The following ZNF618 variants were observed in gnomAD, a reference collection of about 807,000 sequenced individuals.
ZNF618 encodes the protein zinc finger protein 618.
Under a neutral mutation model 103.0 loss-of-function variants are expected in ZNF618, and 34 were observed. The observed-to-expected ratio is 0.33, with a 90% CI of 0.25 to 0.44. The LOEUF (loss-of-function observed/expected upper bound fraction) is 0.44. Among genes scored for constraint, ZNF618 ranks in the 20% least tolerant of loss-of-function variants. ZNF618 has a pLI of 1.00. For missense variants in ZNF618, 1,059 were observed against 1,295.4 expected (o/e 0.82, Z 2.80); for synonymous variants, 551 against 542.2 (o/e 1.02, Z -0.23).
At chr9:113,907,758 G>A (rs1831121001) in intron 1 of ZNF618, among the ~76,000 whole-genome samples, 1 of 152,182 alleles carries the variant, frequency 6.6e-6, no homozygotes, top group Admixed American at 6.5e-5. Context: ...GCTTCCACAC[G>A]GAAGGTTGAG....
At chr9:113,902,375 C>T (rs1022692408) in intron 1 of ZNF618, among the ~76,000 whole-genome samples, 7 of 152,158 alleles carry the variant, frequency 4.6e-5, no homozygotes, top group African/African-American at 1.7e-4. Context: ...TCATGTGCCA[C>T]AAGTTAATTT....
chr9:113,965,152 T>C (rs938151553), intron 1 of ZNF618, among the ~76,000 whole-genome samples: 8 of 152,118 alleles, frequency 5.3e-5, no homozygotes, highest in African/African-American at 1.7e-4. Context: ...TTCAGTGCAT[T>C]AGCATTTAAA....
chr9:113,953,607 G>A (rs553139291), intron 1 of ZNF618, among the ~76,000 whole-genome samples: 2 of 152,270 alleles, frequency 1.3e-5, no homozygotes, highest in South Asian at 2.1e-4. Flanking sequence ...TCTCTGTAAC[G>A]GAAATCATGA....
At chr9:113,945,462 G>A (rs766512476) in intron 1 of ZNF618, among the ~76,000 whole-genome samples, 1 of 152,232 alleles carries the variant, frequency 6.6e-6, no homozygotes, top group Non-Finnish European at 1.5e-5. Context: ...CATGTCAAGA[G>A]TACAGGGGCC....
At chr9:113,955,976 G>A (rs747711342) in intron 1 of ZNF618, among the ~76,000 whole-genome samples, 3 of 151,904 alleles carry the variant, frequency 2.0e-5, no homozygotes, top group East Asian at 1.9e-4. Context: ...TTGGGAGGCC[G>A]AAGCGGGTGG....
intron 4 of ZNF618, among the ~76,000 whole-genome samples, chr9:114,001,587 C>T (rs1056953736): frequency 2.6e-5 from 4 of 152,218 alleles, no homozygotes; most frequent in African/African-American, 7.2e-5. Context: ...TGTCCCATTC[C>T]GGCAAGGAAA....
intron 2 of ZNF618, among the ~76,000 whole-genome samples, chr9:113,987,954 C>T (rs925432185): frequency 4.6e-5 from 7 of 152,156 alleles, no homozygotes; most frequent in African/African-American, 1.7e-4. Context: ...GTACTGATTT[C>T]AGCCAGCTGG....
intron 10 of ZNF618, 151 bp downstream of exon 10, chr9:114,016,935 GGGCC>G: frequency 1.6e-6 from 1 of 622,934 alleles, no homozygotes; most frequent in Non-Finnish European, 2.8e-6. Flanking sequence ...GTCTGACCCA[GGGCC>G]ACCTGTCTAC....
chr9:113,891,511 T>A (rs1222661024), intron 1 of ZNF618, among the ~76,000 whole-genome samples: 6 of 152,158 alleles, frequency 3.9e-5, no homozygotes, highest in Non-Finnish European at 7.4e-5. Context: ...ATTGGAACTC[T>A]TGTGTGCTGT....
chr9:113,944,065 G>T (rs1834783832), intron 1 of ZNF618, among the ~76,000 whole-genome samples: 1 of 152,160 alleles, frequency 6.6e-6, no homozygotes, highest in Admixed American at 6.5e-5. Context: ...GGCTCCCTTT[G>T]CCCCTGCTCA....
chr9:113,982,667 T>G (rs1839078825), intron 2 of ZNF618, among the ~76,000 whole-genome samples: 1 of 152,122 alleles, frequency 6.6e-6, no homozygotes, highest in Non-Finnish European at 1.5e-5. Context: ...GGCCTAAATC[T>G]GTATACATCA....
At chr9:114,017,489 AG>A (rs1430820741) in intron 10 of ZNF618, among the ~76,000 whole-genome samples, 1 of 152,074 alleles carries the variant, frequency 6.6e-6, no homozygotes, top group Non-Finnish European at 1.5e-5. Flanking sequence ...TGGATATTTG[AG>A]GGGTCTCCAT....
intron 1 of ZNF618, among the ~76,000 whole-genome samples, chr9:113,909,530 CAT>C (rs901093868): frequency 1.3e-5 from 2 of 152,128 alleles, no homozygotes; most frequent in African/African-American, 4.8e-5. Context: ...CTTGGGGTGT[CAT>C]GTGATGCCCA....
chr9:113,876,509 C>T, intron 1 of ZNF618, 96 bp downstream of exon 1: 2 of 986,302 alleles, frequency 2.0e-6, no homozygotes, highest in Admixed American at 4.9e-5. Flanking sequence ...TTGCAAAATG[C>T]AAAGTGCCTG....
chr9:114,047,954 G>T lies in ZNF618; in HGVS notation c.1308G>T (p.Glu436Asp). ...GATCGCCACCTGCTGTTGTAGAAGA[G>T]AAGTGGAAACCTCAGGCCCAGAGGA... ...QSRSPPAVVE[E>D]KWKPQAQRNS... The change falls in exon 14 of 15, where the codon GAG becomes GAT. Residue 436 changes from glutamate to aspartate, a missense_variant. Glu to Asp is a conservative substitution (Grantham distance 45, BLOSUM62 2). Around this residue, in one of 6 missense-constraint regions of ZNF618, gnomAD observed 434 missense variants for 476.0 expected, o/e 0.91. Coordinates refer to ENST00000374126, the MANE Select transcript of ZNF618 (RefSeq NM_001318042.2). The T allele has an allele frequency of 6.2e-7, 1 of 1,600,292 alleles. No homozygotes were observed. Among genetic ancestry groups the T allele is most frequent in the Non-Finnish European group, 8.5e-7 (1 of 1,173,464 alleles).
chr9:113,990,878 G>A lies in ZNF618; in HGVS notation c.337+2298G>A, dbSNP rs1001593485. ...AGTCTTTTCAGGGGCCTGCGCTGAC[G>A]TTTCTCCATCAGTATTCACTCCCTG... On this transcript the variant is annotated intron_variant, in intron 3 of 14. Coordinates refer to ENST00000374126, the MANE Select transcript of ZNF618 (RefSeq NM_001318042.2). Among the ~76,000 whole-genome samples the A allele has an allele frequency of 6.6e-5, 10 of 152,264 alleles. No homozygotes were observed. The South Asian group carries it at 8.3e-4, about 13-fold the overall frequency.
At chr9:113,899,040 C>A (rs568565046) in intron 1 of ZNF618, among the ~76,000 whole-genome samples, 18 of 152,182 alleles carry the variant, frequency 1.2e-4, no homozygotes, top group Admixed American at 4.6e-4. Flanking sequence ...CATGATGTCC[C>A]GTGATTTGTC....
At position 114,049,140 on chromosome 9, in the gene ZNF618, C is replaced by T; in HGVS notation, c.1838C>T (p.Thr613Ile). ...GAGTTCGTGATGTCGGAGATCAGGA[C>T]AGTGTACGTGACGGATTGCCGGGTG... is the stretch of plus-strand genomic sequence containing the variant. ...LSEFVMSEIRTVYVTDCRVST... is the reference protein window; with the variant it reads ...LSEFVMSEIRIVYVTDCRVST... The change falls in exon 15 of 15, where the codon ACA (threonine) becomes ATA (isoleucine). Residue 613 changes from threonine to isoleucine, a missense_variant. Thr to Ile is a moderately conservative substitution (Grantham distance 89, BLOSUM62 -1). Transcript: ENST00000374126. The T allele has an allele frequency of 1.9e-6, 3 of 1,613,852 alleles. No individual in the cohort carries two copies. Among genetic ancestry groups the T allele is most frequent in the Non-Finnish European group, 2.5e-6 (3 of 1,179,896 alleles).
chr9:113,881,347 T>C (rs1231558011), intron 1 of ZNF618, among the ~76,000 whole-genome samples: 1 of 152,180 alleles, frequency 6.6e-6, no homozygotes, highest in East Asian at 1.9e-4. Context: ...CTAATAGAAA[T>C]ATAATTCAAG....
Sources: gnomAD v4.1 joint callset for allele counts (sites outside exome capture counted in the v4.1 genomes callset) on GRCh38, gnomAD v4.1.1 for gene constraint, gnomAD v4.1.1 regional missense constraint, MANE v1.5 for transcripts, NCBI Gene and HGNC (gene_info 2026-07-23, HGNC 2026-07-21) for gene names.